Variants in FAM227B observed in about 807,000 individuals in gnomAD.
FAM227B encodes the protein protein FAM227B.
Under a neutral mutation model 73.8 loss-of-function variants are expected in FAM227B, and 88 were observed. The ratio of observed to expected loss-of-function variants is 1.19; its 90% CI spans 1.00 to 1.42. The LOEUF is 1.42. Ranked by LOEUF, FAM227B falls within the 40% of genes most tolerant of loss-of-function variation. The pLI, the probability that FAM227B is intolerant of heterozygous loss-of-function variation, is 0.00. For missense variants in FAM227B, 632 were observed against 590.9 expected, an observed-to-expected ratio of 1.07 and a Z score of -0.72; for synonymous variants, 210 against 190.5, an observed-to-expected ratio of 1.10 and a Z score of -0.84.
chr15:49,556,691 C>T (rs987726362), intron 9 of FAM227B, among the ~76,000 whole-genome samples: 3 of 152,192 alleles, frequency 2.0e-5, no homozygotes, highest in Non-Finnish European at 2.9e-5. Context: ...TCAGGTCAGA[C>T]TGGCCCATCT....
chr15:49,385,936 C>T (rs1251516123), intron 11 of FAM227B, among the ~76,000 whole-genome samples: 1 of 151,784 alleles, frequency 6.6e-6, no homozygotes, highest in Non-Finnish European at 1.5e-5. Flanking sequence ...AGGATCAATT[C>T]AACAAGAAGA....
At chr15:49,507,549 T>C (rs1369812618) in intron 11 of FAM227B, among the ~76,000 whole-genome samples, 1 of 152,032 alleles carries the variant, frequency 6.6e-6, no homozygotes, top group East Asian at 1.9e-4. Flanking sequence ...AGAAATAGCA[T>C]AAACAGGAGA....
intron 11 of FAM227B, among the ~76,000 whole-genome samples, chr15:49,402,204 G>C (rs557307757): frequency 2.2e-4 from 33 of 152,190 alleles, no homozygotes; most frequent in African/African-American, 7.9e-4. Context: ...GACAAGCAAA[G>C]GGCATGATAG....
chr15:49,507,879 T>C (rs1232184668), intron 11 of FAM227B, among the ~76,000 whole-genome samples: 1 of 151,876 alleles, frequency 6.6e-6, no homozygotes, highest in Non-Finnish European at 1.5e-5. Context: ...ACTGAAACCC[T>C]AAAGAAAACA....
intron 11 of FAM227B, among the ~76,000 whole-genome samples, chr15:49,418,986 TG>T (rs1189158083): frequency 1.2e-4 from 18 of 152,198 alleles, no homozygotes; most frequent in Non-Finnish European, 2.4e-4. Context: ...AAGAGTTTTA[TG>T]TATGGCCAAA....
At chr15:49,550,503 G>A (rs1378061948) in intron 9 of FAM227B, among the ~76,000 whole-genome samples, 11 of 151,522 alleles carry the variant, frequency 7.3e-5, no homozygotes, top group Admixed American at 1.3e-4. Flanking sequence ...GCTGCCAGGC[G>A]GAGGGGCTCC....
intron 11 of FAM227B, among the ~76,000 whole-genome samples, chr15:49,463,758 C>T (rs1004644339): frequency 7.9e-5 from 12 of 152,122 alleles, no homozygotes; most frequent in Admixed American, 5.2e-4. Context: ...CACTACTATG[C>T]TGCTACAAAG....
At chr15:49,550,781 A>G (rs1291811841) in intron 9 of FAM227B, among the ~76,000 whole-genome samples, 5 of 135,238 alleles carry the variant, frequency 3.7e-5, no homozygotes, top group East Asian at 2.2e-4. Flanking sequence ...GGGCAGAGAC[A>G]CTCCTCACTT....
intron 13 of FAM227B, among the ~76,000 whole-genome samples, chr15:49,337,656 C>T (rs903154187): frequency 6.6e-6 from 1 of 151,940 alleles, no homozygotes; most frequent in East Asian, 1.9e-4. Flanking sequence ...GGTATTTCTC[C>T]TAATGCTATC....
intron 9 of FAM227B, among the ~76,000 whole-genome samples, chr15:49,555,281 C>G (rs933136444): frequency 1.3e-5 from 2 of 152,170 alleles, no homozygotes; most frequent in Non-Finnish European, 2.9e-5. Context: ...ATTTGCTTAT[C>G]TGAAAAGGAG....
chr15:49,427,100 C>T (rs1190866235), intron 11 of FAM227B, among the ~76,000 whole-genome samples: 1 of 151,838 alleles, frequency 6.6e-6, no homozygotes, highest in Non-Finnish European at 1.5e-5. Flanking sequence ...TTCTGATAGC[C>T]ATTTCCTATT....
rs111714144 is a variant in FAM227B at position 49,602,862 on chromosome 15, A to T, written c.105+8353T>A. ...GGGGTCTAGTTTCATTCTTCTGCAT[A>T]TGGATATCCAGTTTTCCCAGCACCA... On this transcript the variant is annotated intron_variant, in intron 3 of 15. Transcript: ENST00000299338. 4.7e-3 allele frequency among the ~76,000 whole-genome samples: 713 copies of T among 152,300 alleles called. 8 individuals are homozygous for T. Among genetic ancestry groups the T allele is most frequent in the African/African-American group, 0.016 (675 of 41,564 alleles).
At chr15:49,396,235 G>T (rs561119215) in intron 11 of FAM227B, 377 of 361,682 alleles carry the variant, frequency 1.0e-3, no homozygotes, top group Non-Finnish European at 1.7e-3. Flanking sequence ...AAGGGGTGAC[G>T]GACGGCACCT....
intron 14 of FAM227B, 58 bp downstream of exon 14, chr15:49,335,361 G>T: frequency 8.8e-7 from 1 of 1,132,390 alleles, no homozygotes; most frequent in Non-Finnish European, 1.3e-6. Flanking sequence ...TTCTCTGATT[G>T]TTTCCAGTTC....
intron 3 of FAM227B, among the ~76,000 whole-genome samples, chr15:49,596,420 GACT>G (rs1482072901): frequency 1.3e-5 from 2 of 151,762 alleles, no homozygotes; most frequent in African/African-American, 4.8e-5. Flanking sequence ...ATGAGAGAGA[GACT>G]ACCAAGCCAG....
intron 12 of FAM227B, among the ~76,000 whole-genome samples, chr15:49,369,769 T>C (rs1464581556): frequency 1.3e-5 from 2 of 152,176 alleles, no homozygotes; most frequent in Middle Eastern, 3.2e-3. Flanking sequence ...GCAAAACTTA[T>C]ACTTTTTTTG....
At chr15:49,512,964 G>A (rs1253294085) in intron 10 of FAM227B, among the ~76,000 whole-genome samples, 1 of 152,120 alleles carries the variant, frequency 6.6e-6, no homozygotes, top group Non-Finnish European at 1.5e-5. Context: ...GTATTCCATG[G>A]TGTATATGTA....
rs967531341 is a variant in FAM227B at position 49,371,346 on chromosome 15, G to A, written c.1066C>T (p.Pro356Ser). The change falls in exon 12 of 16, where the codon CCC (proline) becomes TCC (serine). Residue 356 changes from proline to serine, a missense_variant. Transcript: ENST00000299338. ...AATCTTGATTCTTCCTTGGATATGG[G>A]CAACGTATATGCTCTTGGGTTGTTC... ...ILNNPRAYTL[P>S]ISKEESRLSR... 6.2e-7 allele frequency: 1 copy of A among 1,603,038 alleles called. No individual in the cohort carries two copies. The highest frequency in any genetic ancestry group is 1.7e-4 in the Middle Eastern group (1 of 6,014).
At chr15:49,403,744 G>A (rs1014799011) in intron 11 of FAM227B, among the ~76,000 whole-genome samples, 9 of 150,738 alleles carry the variant, frequency 6.0e-5, no homozygotes, top group African/African-American at 4.9e-5. Context: ...ATGTTTTTTC[G>A]TGTCTTAATC....
Sources: gnomAD v4.1 joint callset for allele counts (sites outside exome capture counted in the v4.1 genomes callset) on GRCh38, gnomAD v4.1.1 for gene constraint, MANE v1.5 for transcripts, NCBI Gene and HGNC (gene_info 2026-07-23, HGNC 2026-07-21) for gene names.